Variants in DLGAP1 observed in about 807,000 individuals in gnomAD.
DLGAP1 encodes the protein DLG associated protein 1.
A neutral mutation model predicts 90.8 loss-of-function variants in DLGAP1; 11 were observed. The ratio of observed to expected loss-of-function variants is 0.12; its 90% CI spans 0.08 to 0.20. DLGAP1 has a LOEUF of 0.20. Ranked by LOEUF, DLGAP1 falls within the 10% of genes least tolerant of loss-of-function variation. DLGAP1 has a pLI of 1.00. For missense variants in DLGAP1, 1,050 were observed against 1,333.8 expected, an observed-to-expected ratio of 0.79 and a Z score of 3.31; for synonymous variants, 558 against 540.7, an observed-to-expected ratio of 1.03 and a Z score of -0.44.
intron 1 of DLGAP1, among the ~76,000 whole-genome samples, chr18:4,192,631 C>T (rs960331737): frequency 1.3e-5 from 2 of 152,110 alleles, no homozygotes; most frequent in Admixed American, 1.3e-4. Flanking sequence ...ATTATGTGCC[C>T]CTGAGAGGGA....
At chr18:4,427,954 G>A (rs2083193365) in intron 1 of DLGAP1, among the ~76,000 whole-genome samples, 2 of 152,124 alleles carry the variant, frequency 1.3e-5, no homozygotes, top group South Asian at 4.1e-4. Context: ...TGTCAAGCCT[G>A]GATGTAAATT....
At chr18:3,513,892 G>T (rs971695651) in intron 10 of DLGAP1, among the ~76,000 whole-genome samples, 3 of 152,144 alleles carry the variant, frequency 2.0e-5, no homozygotes, top group African/African-American at 7.2e-5. Flanking sequence ...TAGTATAAGA[G>T]GCACAAGGAT....
rs537929435 is a variant in DLGAP1, at chr18:4,382,602, C to T, written c.-267+72404G>A. 3.3e-5 allele frequency among the ~76,000 whole-genome samples: 5 copies of T among 150,862 alleles called. No homozygotes were observed. In the South Asian group the frequency reaches 1.0e-3, roughly 32 times the overall value. ...ATCTGGAGGACAATCAGTTACTTTG[C>T]AATTAAAAAAACCTATGTTTTGTAT... On this transcript the variant is annotated intron_variant, in intron 1 of 12. Coordinates refer to ENST00000315677, the MANE Select transcript of DLGAP1 (RefSeq NM_004746.4).
At chr18:3,705,982 A>ATTT (rs71368704) in intron 7 of DLGAP1, among the ~76,000 whole-genome samples, 51,495 of 126,900 alleles carry the variant, frequency 0.41, 10,553 homozygotes, top group African/African-American at 0.47. Flanking sequence ...TTAATGGTGC[A>ATTT]TTTTTTTTTT....
chr18:4,164,138 G>T (rs748545303), intron 1 of DLGAP1, among the ~76,000 whole-genome samples: 2 of 152,052 alleles, frequency 1.3e-5, no homozygotes, highest in African/African-American at 2.4e-5. Flanking sequence ...GCCAGAACCT[G>T]CACGCTAAAC....
chr18:4,384,727 A>G (rs752310895), intron 1 of DLGAP1, among the ~76,000 whole-genome samples: 2 of 152,100 alleles, frequency 1.3e-5, no homozygotes, highest in Non-Finnish European at 2.9e-5. Flanking sequence ...TGAAGGCTAG[A>G]CCCTGTAATT....
chr18:4,009,871 T>C (rs952228148), intron 2 of DLGAP1, among the ~76,000 whole-genome samples: 1 of 152,180 alleles, frequency 6.6e-6, no homozygotes, highest in Non-Finnish European at 1.5e-5. Flanking sequence ...GGATCATGTA[T>C]GGACAGGGAG....
chr18:3,891,699 G>A (rs1417078494), intron 3 of DLGAP1, among the ~76,000 whole-genome samples: 3 of 152,174 alleles, frequency 2.0e-5, no homozygotes, highest in East Asian at 3.9e-4. Context: ...AATATGGTAC[G>A]GACTAGTCTC....
chr18:4,198,195 T>C (rs2077537968), intron 1 of DLGAP1, among the ~76,000 whole-genome samples: 1 of 152,158 alleles, frequency 6.6e-6, no homozygotes, highest in Non-Finnish European at 1.5e-5. Flanking sequence ...CACTCCAGCC[T>C]GGGCGACAGA....
chr18:3,828,689 T>A (rs3909246), intron 4 of DLGAP1, among the ~76,000 whole-genome samples: 125,059 of 140,448 alleles, frequency 0.89, 56,686 homozygotes, highest in East Asian at 1. Context: ...ACAAAACCTT[T>A]AAAAAAAAAA....
intron 1 of DLGAP1, among the ~76,000 whole-genome samples, chr18:4,427,405 A>G (rs1191328944): frequency 6.6e-6 from 1 of 152,168 alleles, no homozygotes; most frequent in African/African-American, 2.4e-5. Flanking sequence ...ATGCAAATTC[A>G]CCAGCATTAG....
At chr18:4,358,035 T>G (rs776694238) in intron 1 of DLGAP1, among the ~76,000 whole-genome samples, 4 of 152,226 alleles carry the variant, frequency 2.6e-5, no homozygotes, top group Non-Finnish European at 5.9e-5. Context: ...AAGGATCAGA[T>G]GGAGTAACAG....
intron 2 of DLGAP1, among the ~76,000 whole-genome samples, chr18:4,063,963 G>A (rs1214577739): frequency 1.3e-5 from 2 of 152,006 alleles, no homozygotes; most frequent in African/African-American, 2.4e-5. Flanking sequence ...GGGGCTGAGA[G>A]CCTATGGCCC....
intron 7 of DLGAP1, among the ~76,000 whole-genome samples, chr18:3,635,170 A>G (rs368479595): frequency 4.6e-3 from 655 of 142,898 alleles, no homozygotes; most frequent in African/African-American, 0.012. Flanking sequence ...TCGCTCTTTC[A>G]CCCAGGCTGG....
intron 1 of DLGAP1, among the ~76,000 whole-genome samples, chr18:4,381,714 C>T (rs2082123354): frequency 6.6e-6 from 1 of 152,096 alleles, no homozygotes; most frequent in African/African-American, 2.4e-5. Flanking sequence ...AAAACATCAC[C>T]ATGTTTAGGA....
At chr18:3,643,596 G>A (rs2059015338) in intron 7 of DLGAP1, among the ~76,000 whole-genome samples, 1 of 146,370 alleles carries the variant, frequency 6.8e-6, no homozygotes, top group Admixed American at 7.1e-5. Context: ...CCGGGAGGCA[G>A]AGGTTGCAGT....
At chr18:4,332,278 T>A (rs2080969285) in intron 1 of DLGAP1, among the ~76,000 whole-genome samples, 1 of 151,934 alleles carries the variant, frequency 6.6e-6, no homozygotes, top group African/African-American at 2.4e-5. Context: ...AGACAAATCA[T>A]GATTAGTAAT....
intron 7 of DLGAP1, among the ~76,000 whole-genome samples, chr18:3,627,802 C>G (rs1265520206): frequency 6.6e-6 from 1 of 151,680 alleles, no homozygotes; most frequent in African/African-American, 2.4e-5. Context: ...CTGGGACTGC[C>G]CATCTAATTA....
intron 2 of DLGAP1, among the ~76,000 whole-genome samples, chr18:4,110,835 T>C (rs932129505): frequency 2.0e-5 from 3 of 152,332 alleles, no homozygotes; most frequent in Admixed American, 2.0e-4. Context: ...CTTTTATTCC[T>C]CTACTATTGC....
Sources: gnomAD v4.1 joint callset for allele counts (sites outside exome capture counted in the v4.1 genomes callset) on GRCh38, gnomAD v4.1.1 for gene constraint, MANE v1.5 for transcripts, NCBI Gene and HGNC (gene_info 2026-07-23, HGNC 2026-07-21) for gene names.